The following NLRP7 variants were observed in gnomAD, a reference collection of about 807,000 sequenced individuals.
NLRP7 encodes NACHT, LRR and PYD domains-containing protein 7.
Under a neutral mutation model 85.5 loss-of-function variants are expected in NLRP7, and 72 were observed. That is an observed-to-expected ratio of 0.84 (90% CI 0.70 to 1.02). The LOEUF (loss-of-function observed/expected upper bound fraction) is 1.02. Among genes scored for constraint, NLRP7 ranks in the 50% least tolerant of loss-of-function variants. NLRP7 has a pLI of 0.00. For missense variants in NLRP7, 1,243 were observed against 1,219.5 expected (o/e 1.02, Z -0.29); for synonymous variants, 550 against 505.2 (o/e 1.09, Z -1.19).
intron 1 of NLRP7, among the ~76,000 whole-genome samples, chr19:54,952,638 T>C (rs368680024): frequency 3.3e-5 from 5 of 151,392 alleles, no homozygotes; most frequent in African/African-American, 1.2e-4. Context: ...GGGAGATGGA[T>C]TGGAGGTTTC....
At chr19:54,963,174 T>A (rs972952874) in intron 1 of NLRP7, among the ~76,000 whole-genome samples, 1 of 151,850 alleles carries the variant, frequency 6.6e-6, no homozygotes, top group Non-Finnish European at 1.5e-5. Flanking sequence ...GGTGGGAAGA[T>A]TGCTTAAGCC....
chr19:54,959,285 CA>C (rs1555749618), intron 1 of NLRP7, among the ~76,000 whole-genome samples: 2 of 141,666 alleles, frequency 1.4e-5, no homozygotes, highest in Non-Finnish European at 3.1e-5. Context: ...ATTACAGGCG[CA>C]CGCCACCATG....
intron 8 of NLRP7, among the ~76,000 whole-genome samples, chr19:54,932,057 T>C (rs2068701899): frequency 6.6e-6 from 1 of 152,146 alleles, no homozygotes; most frequent in Non-Finnish European, 1.5e-5. Flanking sequence ...ACATTCTACA[T>C]ATATAGGGGT....
At position 54,923,876 on chromosome 19, in the gene NLRP7, G is replaced by C. The variant is rs1470546334; in HGVS notation, c.2811-4C>G. The C allele has an allele frequency of 6.2e-7, 1 of 1,612,854 alleles. No individual in the cohort carries two copies. ...ATTAGTTTCATAGGTCTTCAACCTG[G>C]AGGGATCAGAGAACACAAATGTTCC... On this transcript the variant is annotated splice_polypyrimidine_tract_variant and splice_region_variant and intron_variant, in intron 9 of 9. Coordinates refer to ENST00000340844, the Ensembl canonical transcript of NLRP7.
Position 54,933,430 on chromosome 19 carries a change from C to T in NLRP7, c.2642+139G>A, listed in dbSNP as rs1372846602. ...AAAGTGCTGGGATTACAGGCATGAGCCACCACGCCTGGCCTCTGCCTGTTC... is the reference window on the plus strand; with the variant it reads ...AAAGTGCTGGGATTACAGGCATGAGTCACCACGCCTGGCCTCTGCCTGTTC... On this transcript the variant is annotated intron_variant, in intron 8 of 9. Coordinates refer to ENST00000340844, the Ensembl canonical transcript of NLRP7. 4 of 1,075,970 alleles carry T rather than the reference C, an allele frequency of 3.7e-6. No homozygotes were observed. The Admixed American group carries it at 8.0e-5, about 21-fold the overall frequency. The allele number at this position is 1,075,970 out of a possible 1,614,324, so 66.7% of individuals were successfully genotyped here.
At chr19:54,931,112 G>A (rs1052689713) in intron 8 of NLRP7, among the ~76,000 whole-genome samples, 1 of 152,182 alleles carries the variant, frequency 6.6e-6, no homozygotes, top group Admixed American at 6.6e-5. Flanking sequence ...TATACTTCCA[G>A]GTGGGCTTGC....
chr19:54,948,502 G>C (rs946326351), upstream of NLRP7, among the ~76,000 whole-genome samples: 1 of 152,122 alleles, frequency 6.6e-6, no homozygotes, highest in Non-Finnish European at 1.5e-5. Context: ...AGTGAGCTGT[G>C]ACTGGCCATC....
At chr19:54,940,501 T>G (rs978358134) in intron 3 of NLRP7, 35 bp from the exon 4 acceptor site, 34 of 1,610,068 alleles carry the variant, frequency 2.1e-5, no homozygotes, top group Non-Finnish European at 2.8e-5. Flanking sequence ...TTGAGGTTGA[T>G]GATGATGATT....
At chr19:54,924,727 G>T (rs1159924083) in intron 9 of NLRP7, among the ~76,000 whole-genome samples, 6 of 152,122 alleles carry the variant, frequency 3.9e-5, no homozygotes, top group Non-Finnish European at 7.4e-5. Context: ...CCTGAGGTCA[G>T]GAATTCGAGA....
chr19:54,923,887 G>A lies in NLRP7; in HGVS notation c.2811-15C>T. On this transcript the variant is annotated splice_polypyrimidine_tract_variant and intron_variant, in intron 9 of 9. Coordinates refer to ENST00000340844, the Ensembl canonical transcript of NLRP7. ...AGGTCTTCAACCTGGAGGGATCAGA[G>A]AACACAAATGTTCCCAGAAATTCAT... 3 of 1,610,432 alleles carry A rather than the reference G, an allele frequency of 1.9e-6. No individual in the cohort carries two copies. Among genetic ancestry groups the A allele is most frequent in the South Asian group, 2.2e-5 (2 of 91,026 alleles).
At chr19:54,965,302 G>A (rs1369299583) in intron 1 of NLRP7, 1 of 102,690 alleles carries the variant, frequency 9.7e-6, no homozygotes, top group Non-Finnish European at 2.0e-5. Flanking sequence ...GGCTGCGGCC[G>A]AGAAAGAAGC....
Position 54,935,930 on chromosome 19 carries a change from T to C in NLRP7, c.2300+331A>G, listed in dbSNP as rs7254566. Among the ~76,000 whole-genome samples, 10,390 of 152,102 alleles carry C rather than the reference T, an allele frequency of 0.068. 864 individuals are homozygous for C. Among genetic ancestry groups the C allele is most frequent in the African/African-American group, 0.2 (8,443 of 41,464 alleles). On this transcript the variant is annotated intron_variant, in intron 6 of 9. Coordinates refer to ENST00000340844, the Ensembl canonical transcript of NLRP7. ...CCCGTCTGTGGAAAAAACTGTCTTG[T>C]GCAAAACCGGCCCGCGGTGCAGAAA...
chr19:54,946,668 C>G (rs958137875), intron 1 of NLRP7, among the ~76,000 whole-genome samples: 3 of 147,424 alleles, frequency 2.0e-5, no homozygotes, highest in African/African-American at 7.5e-5. Context: ...GAGACGGAGT[C>G]GCACTCTGTC....
At chr19:54,938,865 T>C in intron 4 of NLRP7, 23 bp downstream of exon 4, 1 of 1,612,858 alleles carries the variant, frequency 6.2e-7, no homozygotes, top group Non-Finnish European at 8.5e-7. Context: ...TAGTGGAGCG[T>C]GGGATGGGAA....
intron 9 of NLRP7, among the ~76,000 whole-genome samples, chr19:54,926,145 T>C (rs143548162): frequency 3.8e-4 from 58 of 152,132 alleles, no homozygotes; most frequent in Middle Eastern, 3.4e-3. Context: ...GACGATCTTC[T>C]GAAAAGCTAA....
chr19:54,929,612 G>C (rs1326250571), intron 9 of NLRP7, among the ~76,000 whole-genome samples: 1 of 152,096 alleles, frequency 6.6e-6, no homozygotes, highest in Non-Finnish European at 1.5e-5. Flanking sequence ...GGGTTTATGA[G>C]GTGGGGCAGG....
chr19:54,930,744 A>T (rs1454857472), intron 8 of NLRP7, 78 bp from the exon 9 acceptor site: 1 of 1,194,258 alleles, frequency 8.4e-7, no homozygotes, highest in Admixed American at 1.7e-5. Flanking sequence ...CCAACACTAT[A>T]TACCTTCCAC....
intron 1 of NLRP7, among the ~76,000 whole-genome samples, chr19:54,964,145 C>G (rs1426765379): frequency 6.7e-6 from 1 of 149,542 alleles, no homozygotes; most frequent in Non-Finnish European, 1.5e-5. Flanking sequence ...TCCCAAAGTG[C>G]TGGAATTACA....
chr19:54,948,822 A>G (rs564494838), upstream of NLRP7: 1 of 152,594 alleles, frequency 6.6e-6, no homozygotes, highest in Admixed American at 6.5e-5. Flanking sequence ...TACAGGCATG[A>G]GCCACCGCAC....
Sources: gnomAD v4.1 joint callset for allele counts (sites outside exome capture counted in the v4.1 genomes callset) on GRCh38, gnomAD v4.1.1 for gene constraint, MANE v1.5 for transcripts, NCBI Gene and HGNC (gene_info 2026-07-23, HGNC 2026-07-21) for gene names.